CBFA2T3: variants seen among roughly 807,000 people sequenced by gnomAD.
The protein encoded by CBFA2T3 is CBFA2/RUNX1 partner transcriptional co-repressor 3, also known as transcriptional corepressor CBFA2T3.
CBFA2T3 carries 31 observed loss-of-function variants against 58.6 expected under a neutral mutation model. The ratio of observed to expected loss-of-function variants is 0.53; its 90% CI spans 0.40 to 0.71. The LOEUF (loss-of-function observed/expected upper bound fraction) is 0.71, where lower values mean the gene tolerates loss of function less well. Ranked by LOEUF, CBFA2T3 falls within the 30% of genes least tolerant of loss-of-function variation. CBFA2T3 has a pLI of 0.00. For missense variants in CBFA2T3, 1,076 were observed against 963.1 expected (o/e 1.12, Z -1.55); for synonymous variants, 531 against 421.9 (o/e 1.26, Z -3.17).
In CBFA2T3 at chr16:88,880,640, A is replaced by G. The variant is rs896375996; in HGVS notation, c.1471+80T>C. On this transcript the variant is annotated intron_variant, in intron 10 of 11. Transcript: ENST00000268679. ...CCCCAGAGAGAGACAGAAGCTCTTC[A>G]AAGCTGAGCCGGTGAGAGGCGCATC... 5 of 1,208,034 alleles carry G rather than the reference A, an allele frequency of 4.1e-6. No individual in the cohort carries two copies. In the Admixed American group the frequency reaches 6.2e-5, roughly 15 times the overall value. The allele number at this position is 1,208,034 out of a possible 1,614,324, so 74.8% of individuals were successfully genotyped here.
Position 88,882,656 on chromosome 16 carries a change from G to A in CBFA2T3, c.1203+20C>T. The A allele has an allele frequency of 6.6e-7, 1 of 1,518,296 alleles. No individual in the cohort carries two copies. Among genetic ancestry groups the A allele is most frequent in the Non-Finnish European group, 9.0e-7 (1 of 1,112,276 alleles). 94.1% of individuals were successfully genotyped at this position (1,518,296 alleles called of 1,614,324 possible). A position where few individuals can be genotyped will look rare whatever the true frequency, so the allele number is the denominator to read the frequency against. Reference sequence around the variant, plus strand: ...CGCCTGGGCATGGCTGTGTGGGCGTGGCTGTGTGTGGACACTCACGTTGTT... The same window carrying A: ...CGCCTGGGCATGGCTGTGTGGGCGTAGCTGTGTGTGGACACTCACGTTGTT... On this transcript the variant is annotated intron_variant, in intron 8 of 11. Coordinates refer to ENST00000268679, the MANE Select transcript of CBFA2T3 (RefSeq NM_005187.6).
intron 1 of CBFA2T3, among the ~76,000 whole-genome samples, chr16:88,933,929 G>A (rs1023611784): frequency 1.3e-5 from 2 of 148,232 alleles, no homozygotes; most frequent in Non-Finnish European, 1.5e-5. Flanking sequence ...CAAGCTGCAC[G>A]CTGCCCCCGG....
chr16:88,892,596 G>A (rs1286651965), intron 3 of CBFA2T3, 111 bp from the exon 4 acceptor site: 9 of 1,257,414 alleles, frequency 7.2e-6, no homozygotes, highest in Non-Finnish European at 1.0e-5. Flanking sequence ...AAAAGTGACG[G>A]CAACAATGAT....
At chr16:88,893,881 C>A (rs1969754114) in intron 3 of CBFA2T3, among the ~76,000 whole-genome samples, 1 of 152,198 alleles carries the variant, frequency 6.6e-6, no homozygotes, top group East Asian at 1.9e-4. Flanking sequence ...CCTCAGGAGC[C>A]TGAGGGGCGG....
intron 1 of CBFA2T3, among the ~76,000 whole-genome samples, chr16:88,942,979 AT>A (rs984376702): frequency 6.6e-6 from 1 of 152,148 alleles, no homozygotes; most frequent in African/African-American, 2.4e-5. Context: ...AAGGTTACCG[AT>A]TTTATGCTCG....
intron 1 of CBFA2T3, among the ~76,000 whole-genome samples, chr16:88,975,682 C>T (rs1052984049): frequency 3.3e-5 from 5 of 152,264 alleles, no homozygotes; most frequent in African/African-American, 1.2e-4. Context: ...TCCGGGCACC[C>T]GGGGTTGGGA....
intron 3 of CBFA2T3, among the ~76,000 whole-genome samples, chr16:88,893,184 C>T (rs1969719628): frequency 6.6e-6 from 1 of 151,334 alleles, no homozygotes; most frequent in South Asian, 2.1e-4. Context: ...TGAGCAATGT[C>T]CCCACAACAG....
At chr16:88,933,054 AC>A (rs962062631) in intron 1 of CBFA2T3, among the ~76,000 whole-genome samples, 6 of 152,150 alleles carry the variant, frequency 3.9e-5, no homozygotes, top group African/African-American at 1.4e-4. Flanking sequence ...TGGAGCCAGG[AC>A]CCGGAGACGT....
chr16:88,911,756 G>A (rs1597716203), intron 1 of CBFA2T3, among the ~76,000 whole-genome samples: 1 of 152,282 alleles, frequency 6.6e-6, no homozygotes, highest in African/African-American at 2.4e-5. Flanking sequence ...CAACGGCCGC[G>A]TGGAGCTGGT....
At chr16:88,907,240 C>G (rs1213851567) in intron 1 of CBFA2T3, among the ~76,000 whole-genome samples, 1 of 152,174 alleles carries the variant, frequency 6.6e-6, no homozygotes, top group African/African-American at 2.4e-5. Flanking sequence ...GGAGGGCTCC[C>G]GAGGCCTGGC....
chr16:88,902,234 G>T (rs551650417), intron 1 of CBFA2T3, among the ~76,000 whole-genome samples: 2 of 152,162 alleles, frequency 1.3e-5, no homozygotes, highest in African/African-American at 2.4e-5. Context: ...GGGAGAGGCC[G>T]GCAGGCAGGC....
intron 9 of CBFA2T3, 195 bp downstream of exon 9, chr16:88,881,096 G>A (rs1379492925): frequency 2.8e-6 from 2 of 721,206 alleles, no homozygotes; most frequent in South Asian, 3.0e-5. Context: ...CGAGCCTCTG[G>A]CCCACCAGAC....
intron 1 of CBFA2T3, among the ~76,000 whole-genome samples, chr16:88,942,655 G>A (rs1971782426): frequency 1.3e-5 from 2 of 152,198 alleles, no homozygotes; most frequent in Admixed American, 6.5e-5. Context: ...CTGGTCAGCT[G>A]GGTCACTAAC....
At chr16:88,961,577 C>T (rs1972359118) in intron 1 of CBFA2T3, among the ~76,000 whole-genome samples, 1 of 134,722 alleles carries the variant, frequency 7.4e-6, no homozygotes, top group Non-Finnish European at 1.6e-5. Context: ...AACCGACACT[C>T]AGCACTGGGC....
intron 3 of CBFA2T3, among the ~76,000 whole-genome samples, chr16:88,894,531 A>T (rs1362474009): frequency 6.4e-4 from 83 of 129,576 alleles, no homozygotes; most frequent in African/African-American, 2.7e-3. Context: ...GCATACATAT[A>T]CACATGCACA....
At chr16:88,969,751 C>T (rs998422993) in intron 1 of CBFA2T3, among the ~76,000 whole-genome samples, 2 of 152,098 alleles carry the variant, frequency 1.3e-5, no homozygotes, top group South Asian at 2.1e-4. Flanking sequence ...TGGCAGGTGC[C>T]GGGGGGCAGG....
In CBFA2T3 at chr16:88,958,536, G is replaced by A. The variant is rs1012601574; in HGVS notation, c.151+18121C>T. On this transcript the variant is annotated intron_variant, in intron 1 of 11. Coordinates refer to ENST00000268679, the MANE Select transcript of CBFA2T3 (RefSeq NM_005187.6). The surrounding 1 kb of genome is among the most constrained non-coding windows in gnomAD (Gnocchi z 4.0). The stretch of plus-strand genomic sequence containing the variant: ...CCCCACATCCCTGGGCATCACACGC[G>A]TGTCGTCTGGAGCAGAAGCTGGTGG... Among the ~76,000 whole-genome samples the A allele has an allele frequency of 3.3e-5, 5 of 152,204 alleles. No homozygotes were observed. The highest frequency in any genetic ancestry group is 2.1e-4 in the South Asian group (1 of 4,838).
At chr16:88,914,164 G>A (rs981653094) in intron 1 of CBFA2T3, among the ~76,000 whole-genome samples, 10 of 152,240 alleles carry the variant, frequency 6.6e-5, no homozygotes, top group African/African-American at 1.2e-4. Flanking sequence ...TCACAAACGC[G>A]GTGGCCAGGC....
chr16:88,973,299 G>A lies in CBFA2T3; in HGVS notation c.151+3358C>T, dbSNP rs112379645. Among the ~76,000 whole-genome samples, 185 of 152,306 alleles carry A rather than the reference G, an allele frequency of 1.2e-3. 2 individuals are homozygous for A. Among genetic ancestry groups the A allele is most frequent in the Middle Eastern group, 0.01 (3 of 294 alleles). ...GAGGAAGATTTGGGAGGGAGGAGAC[G>A]GCCTTGCAAAGACAGAGGTAGTGGC... On this transcript the variant is annotated intron_variant, in intron 1 of 11. Transcript: ENST00000268679.
Sources: gnomAD v4.1 joint callset for allele counts (sites outside exome capture counted in the v4.1 genomes callset) on GRCh38, gnomAD v4.1.1 for gene constraint, Gnocchi (gnomAD v3.1) non-coding constraint, MANE v1.5 for transcripts, NCBI Gene and HGNC (gene_info 2026-07-23, HGNC 2026-07-21) for gene names.